Variants in TLE4 observed in about 807,000 individuals in gnomAD.
TLE4 encodes the protein TLE family member 4, transcriptional corepressor, also known as transducin-like enhancer protein 4.
TLE4 carries 8 observed loss-of-function variants against 92.8 expected under a neutral mutation model. The ratio of observed to expected loss-of-function variants is 0.09; its 90% confidence interval spans 0.05 to 0.16. TLE4 has a LOEUF of 0.16. Among genes scored for constraint, TLE4 ranks in the 10% least tolerant of loss-of-function variants. TLE4 has a pLI of 1.00. For missense variants in TLE4, 675 were observed against 997.6 expected (o/e 0.68, Z 4.36); for synonymous variants, 371 against 374.1 (o/e 0.99, Z 0.10).
chr9:79,593,204 CA>C (rs919083179), intron 4 of TLE4, among the ~76,000 whole-genome samples: 2 of 147,934 alleles, frequency 1.4e-5, no homozygotes, highest in Non-Finnish European at 3.0e-5. Flanking sequence ...AGATCCATTC[CA>C]AAAAAAAACG....
In TLE4 at chr9:79,656,997, C is replaced by CT. The variant is rs1234591979; in HGVS notation, c.609+2923dup. ...CCTGTAGCCAAGTTCATTCCTAAGC[C>CT]TGTTATTTGCAGACCTGTATCTGAA... is the stretch of plus-strand genomic sequence containing the variant. On this transcript the variant is annotated intron_variant, in intron 8 of 19. Transcript: ENST00000376552. Among the ~76,000 whole-genome samples, 3 of 152,272 alleles carry CT rather than the reference C, an allele frequency of 2.0e-5. No individual in the cohort carries two copies. In the East Asian group the frequency reaches 5.8e-4, roughly 29 times the overall value.
intron 16 of TLE4, among the ~76,000 whole-genome samples, chr9:79,720,663 C>T (rs943615473): frequency 6.6e-6 from 1 of 152,026 alleles, no homozygotes; most frequent in Admixed American, 6.6e-5. Flanking sequence ...CCATGGACAT[C>T]TGTAATTTGC....
At chr9:79,704,649 T>C in intron 8 of TLE4, 134 bp from the exon 9 acceptor site, 1 of 1,198,482 alleles carries the variant, frequency 8.3e-7, no homozygotes, top group Non-Finnish European at 1.1e-6. Context: ...CTCCGCTTTC[T>C]CCTATCTCCT....
chr9:79,678,899 G>A (rs1182562599), intron 8 of TLE4, among the ~76,000 whole-genome samples: 1 of 151,626 alleles, frequency 6.6e-6, no homozygotes, highest in Non-Finnish European at 1.5e-5. Flanking sequence ...GTGATAGTTT[G>A]CTGAGAATGA....
intron 4 of TLE4, among the ~76,000 whole-genome samples, chr9:79,605,161 C>T (rs1252323354): frequency 6.6e-6 from 1 of 152,124 alleles, no homozygotes; most frequent in Non-Finnish European, 1.5e-5. Flanking sequence ...ATCAGGTTCT[C>T]TGACCGGTTC....
At chr9:79,720,401 T>G (rs1251726030) in intron 16 of TLE4, 108 bp downstream of exon 16, 12 of 1,212,564 alleles carry the variant, frequency 9.9e-6, no homozygotes, top group African/African-American at 1.5e-5. Flanking sequence ...TGTGTGTGTG[T>G]GTGTGTGTGT....
At chr9:79,689,186 T>G (rs551189523) in intron 8 of TLE4, among the ~76,000 whole-genome samples, 6 of 152,230 alleles carry the variant, frequency 3.9e-5, no homozygotes, top group East Asian at 1.9e-4. Flanking sequence ...TGTGTGTGTG[T>G]GGGTATGTTT....
intron 4 of TLE4, among the ~76,000 whole-genome samples, chr9:79,588,185 G>A (rs1564171995): frequency 1.4e-5 from 2 of 144,152 alleles, no homozygotes; most frequent in East Asian, 2.1e-4. Flanking sequence ...GTCTCGCCCT[G>A]TTGCCAGGCT....
In TLE4 at chr9:79,582,687, C is replaced by A. The variant is rs1465122511; in HGVS notation, c.252+6510C>A. ...TGATGTGATTCGATGGTTTGGTTTA[C>A]CACTTCTGGACAGCAATAATGTATT... On this transcript the variant is annotated intron_variant, in intron 4 of 19. Coordinates refer to ENST00000376552, the MANE Select transcript of TLE4 (RefSeq NM_007005.6). 1.1e-4 allele frequency among the ~76,000 whole-genome samples: 14 copies of A among 132,268 alleles called. No homozygotes were observed. The East Asian group carries it at 2.8e-3, about 27-fold the overall frequency. The allele number at this position is 132,268 out of a possible 152,430, so 86.8% of individuals were successfully genotyped here.
chr9:79,622,227 T>A (rs2051193386), intron 5 of TLE4, among the ~76,000 whole-genome samples: 2 of 152,182 alleles, frequency 1.3e-5, no homozygotes, highest in Non-Finnish European at 2.9e-5. Context: ...TATTTTTCTT[T>A]GTGTGCACAC....
intron 4 of TLE4, among the ~76,000 whole-genome samples, chr9:79,612,043 C>G (rs575236174): frequency 3.3e-5 from 5 of 151,622 alleles, no homozygotes; most frequent in Admixed American, 1.3e-4. Flanking sequence ...CCTCTGCACA[C>G]TGAAAACCTT....
intron 8 of TLE4, among the ~76,000 whole-genome samples, 154 bp downstream of exon 8, chr9:79,654,229 GA>G (rs1369612000): frequency 3.6e-5 from 5 of 140,192 alleles, no homozygotes; most frequent in Non-Finnish European, 7.6e-5. Context: ...GTGTGTGGTT[GA>G]TTTTTTTTTT....
At chr9:79,666,212 T>TTTTTG (rs2061381857) in intron 8 of TLE4, among the ~76,000 whole-genome samples, 2 of 55,492 alleles carry the variant, frequency 3.6e-5, no homozygotes, top group Admixed American at 1.9e-4. Context: ...GGGTTTTTTT[T>TTTTTG]TTTTGTTTTT....
At chr9:79,691,855 ATTTAT>A (rs770734567) in intron 8 of TLE4, among the ~76,000 whole-genome samples, 27 of 152,048 alleles carry the variant, frequency 1.8e-4, no homozygotes, top group Non-Finnish European at 2.6e-4. Context: ...TGCCATTCGC[ATTTAT>A]TTTATTTTTT....
chr9:79,589,300 G>A (rs1035370980), intron 4 of TLE4, among the ~76,000 whole-genome samples: 3 of 152,160 alleles, frequency 2.0e-5, no homozygotes, highest in African/African-American at 4.8e-5. Context: ...TCCTTTAAAC[G>A]TACTTAACCT....
intron 14 of TLE4, among the ~76,000 whole-genome samples, chr9:79,714,510 G>A (rs1445104117): frequency 6.6e-6 from 1 of 152,018 alleles, no homozygotes; most frequent in Non-Finnish European, 1.5e-5. Context: ...TGCTATTCTT[G>A]CTATCTGGAA....
At chr9:79,693,986 A>G (rs1434370873) in intron 8 of TLE4, among the ~76,000 whole-genome samples, 1 of 152,186 alleles carries the variant, frequency 6.6e-6, no homozygotes, top group East Asian at 1.9e-4. Context: ...ATTAAATGTC[A>G]CTGGGTACAC....
intron 4 of TLE4, among the ~76,000 whole-genome samples, chr9:79,582,832 T>A (rs1340416585): frequency 6.6e-6 from 1 of 152,118 alleles, no homozygotes; most frequent in Non-Finnish European, 1.5e-5. Flanking sequence ...TCAGTGGTCC[T>A]ATACTAGCTA....
intron 10 of TLE4, 42 bp downstream of exon 10, chr9:79,705,984 A>T (rs774982222): frequency 1.9e-6 from 3 of 1,577,994 alleles, no homozygotes; most frequent in Non-Finnish European, 2.6e-6. Flanking sequence ...TTGCCCAGCC[A>T]TATCAAAGAC....
Sources: allele counts gnomAD v4.1 joint callset (sites outside exome capture counted in the v4.1 genomes callset), GRCh38; gene constraint gnomAD v4.1.1; transcripts MANE v1.5; gene names NCBI Gene and HGNC (gene_info 2026-07-23, HGNC 2026-07-21).